FAR1: variants seen among roughly 807,000 people sequenced by gnomAD.
FAR1 encodes the protein fatty acyl-CoA reductase 1, also known as male sterility domain-containing protein 2.
Under a neutral mutation model 61.1 loss-of-function variants are expected in FAR1, and 22 were observed. That is an observed-to-expected ratio of 0.36 (90% CI 0.26 to 0.51). The LOEUF is 0.51. Among genes scored for constraint, FAR1 ranks in the 20% least tolerant of loss-of-function variants. The pLI, the probability that FAR1 is intolerant of heterozygous loss-of-function variation, is 0.95. For missense variants in FAR1, 359 were observed against 626.9 expected (o/e 0.57, Z 4.56); for synonymous variants, 206 against 209.7 (o/e 0.98, Z 0.15).
chr11:13,716,514 G>T (rs1315875550), intron 9 of FAR1, among the ~76,000 whole-genome samples: 2 of 152,144 alleles, frequency 1.3e-5, no homozygotes, highest in Non-Finnish European at 2.9e-5. Context: ...ACAGCAAGGG[G>T]ACTGATGTTA....
At chr11:13,679,851 A>C (rs1313168384) in intron 1 of FAR1, among the ~76,000 whole-genome samples, 1 of 152,212 alleles carries the variant, frequency 6.6e-6, no homozygotes, top group African/African-American at 2.4e-5. Flanking sequence ...TGCCATGCTT[A>C]TGGAACAGCA....
At chr11:13,678,648 G>A (rs1245727325) in intron 1 of FAR1, among the ~76,000 whole-genome samples, 1 of 152,092 alleles carries the variant, frequency 6.6e-6, no homozygotes, top group Admixed American at 6.6e-5. Context: ...TAATCCTTGA[G>A]CTTCTCATGA....
intron 4 of FAR1, among the ~76,000 whole-genome samples, chr11:13,708,500 A>C (rs1461563433): frequency 1.3e-5 from 2 of 148,470 alleles, no homozygotes; most frequent in Non-Finnish European, 3.0e-5. Flanking sequence ...TTTTCTTCAA[A>C]AATTTTTGCA....
intron 1 of FAR1, among the ~76,000 whole-genome samples, chr11:13,689,227 A>G (rs979092205): frequency 3.9e-5 from 6 of 152,202 alleles, no homozygotes; most frequent in Non-Finnish European, 4.4e-5. Context: ...GGACAGCTTG[A>G]TGAATTTTTA....
intron 1 of FAR1, among the ~76,000 whole-genome samples, chr11:13,686,359 C>G (rs1461457045): frequency 6.6e-6 from 1 of 152,134 alleles, no homozygotes; most frequent in East Asian, 1.9e-4. Flanking sequence ...CCGCATACCC[C>G]ACTTCTTATA....
intron 10 of FAR1, among the ~76,000 whole-genome samples, chr11:13,725,068 A>AT (rs1565353732): frequency 6.6e-6 from 1 of 152,190 alleles, no homozygotes; most frequent in Non-Finnish European, 1.5e-5. Flanking sequence ...TATAAATGGT[A>AT]TTATACAGTA....
At chr11:13,686,329 A>C (rs1354574186) in intron 1 of FAR1, among the ~76,000 whole-genome samples, 1 of 152,156 alleles carries the variant, frequency 6.6e-6, no homozygotes, top group Non-Finnish European at 1.5e-5. Context: ...TGACCCATGG[A>C]ATTTCCTCTC....
At chr11:13,711,003 T>C in intron 5 of FAR1, 133 bp downstream of exon 5, 1 of 735,272 alleles carries the variant, frequency 1.4e-6, no homozygotes. Flanking sequence ...AAAGCTGTTT[T>C]GTGTTCATAG....
At position 13,700,253 on chromosome 11, in the gene FAR1, T is replaced by C. The variant is rs570428526; in HGVS notation, c.190-64T>C. ...GTCATCCTTGGTGGGAAAAAAATGG[T>C]GATAATGAGTTTTAGAAAGTGGAAA... On this transcript the variant is annotated intron_variant, in intron 2 of 11. Coordinates refer to ENST00000354817, the MANE Select transcript of FAR1 (RefSeq NM_032228.6). 5.2e-5 allele frequency: 63 copies of C among 1,212,886 alleles called. 1 individual carries two copies. The East Asian group carries it at 1.6e-3, about 30-fold the overall frequency. 75.1% of individuals were successfully genotyped at this position (1,212,886 alleles called of 1,614,324 possible). A position where few individuals can be genotyped will look rare whatever the true frequency, so the allele number is the denominator to read the frequency against.
chr11:13,671,261 G>A (rs1337029629), intron 1 of FAR1, among the ~76,000 whole-genome samples: 1 of 152,184 alleles, frequency 6.6e-6, no homozygotes, highest in African/African-American at 2.4e-5. Context: ...AAGACATGAG[G>A]ATGACATTCC....
In FAR1 at chr11:13,711,757, G is replaced by A. The variant is rs776970259; in HGVS notation, c.724-7G>A. The A allele has an allele frequency of 6.3e-7, 1 of 1,589,336 alleles. No homozygotes were observed. Among genetic ancestry groups the A allele is most frequent in the Admixed American group, 1.8e-5 (1 of 56,316 alleles). ...GCTTCTCTCCCTTTTAAAATTTTTG[G>A]TATTAGGGATGGATTGATAACTTTA... On this transcript the variant is annotated splice_polypyrimidine_tract_variant and splice_region_variant and intron_variant, in intron 5 of 11. Coordinates refer to ENST00000354817, the MANE Select transcript of FAR1 (RefSeq NM_032228.6).
chr11:13,700,235 TTGG>T (rs1848355099), intron 2 of FAR1, 79 bp from the exon 3 acceptor site: 1 of 1,028,740 alleles, frequency 9.7e-7, no homozygotes, highest in Non-Finnish European at 1.4e-6. Context: ...ATAGTCATCC[TTGG>T]TGGGAAAAAA....
chr11:13,688,307 A>G (rs185529161), intron 1 of FAR1, among the ~76,000 whole-genome samples: 1 of 152,198 alleles, frequency 6.6e-6, no homozygotes, highest in East Asian at 1.9e-4. Flanking sequence ...ACTTGTTAAT[A>G]GCTTTGAAAG....
At chr11:13,722,462 T>C (rs1225275607) in intron 10 of FAR1, among the ~76,000 whole-genome samples, 1 of 152,134 alleles carries the variant, frequency 6.6e-6, no homozygotes, top group East Asian at 1.9e-4. Context: ...ACTTCAGTTC[T>C]CTAATTTTTT....
chr11:13,706,574 T>C (rs1384002834), intron 3 of FAR1, among the ~76,000 whole-genome samples: 1 of 152,174 alleles, frequency 6.6e-6, no homozygotes, highest in African/African-American at 2.4e-5. Flanking sequence ...ATTGTAATGG[T>C]CAAATGAGCT....
chr11:13,678,722 G>T (rs1022589721), intron 1 of FAR1, among the ~76,000 whole-genome samples: 4 of 151,178 alleles, frequency 2.6e-5, no homozygotes, highest in Non-Finnish European at 4.4e-5. Context: ...AATTTAGTGG[G>T]TCTTTTTTTT....
intron 1 of FAR1, among the ~76,000 whole-genome samples, chr11:13,687,179 A>G (rs1423502458): frequency 6.6e-6 from 1 of 152,206 alleles, no homozygotes; most frequent in South Asian, 2.1e-4. Context: ...GAATTCCTTG[A>G]AAATAATGGT....
intron 1 of FAR1, among the ~76,000 whole-genome samples, chr11:13,683,677 G>C (rs1166082886): frequency 6.6e-6 from 1 of 152,084 alleles, no homozygotes; most frequent in African/African-American, 2.4e-5. Context: ...ACTGTGCTTA[G>C]CTTCATTGGT....
chr11:13,702,692 G>A (rs1031469912), intron 3 of FAR1, among the ~76,000 whole-genome samples: 2 of 152,062 alleles, frequency 1.3e-5, no homozygotes, highest in Non-Finnish European at 2.9e-5. Context: ...ATGAAGCTTA[G>A]CATGTTTTCA....
Sources: gnomAD v4.1 joint callset for allele counts (sites outside exome capture counted in the v4.1 genomes callset) on GRCh38, gnomAD v4.1.1 for gene constraint, MANE v1.5 for transcripts, NCBI Gene and HGNC (gene_info 2026-07-23, HGNC 2026-07-21) for gene names.